ESRP1: variants seen among roughly 807,000 people sequenced by gnomAD.
The protein encoded by ESRP1 is RNA-binding motif protein 35A.
Under a neutral mutation model 81.7 loss-of-function variants are expected in ESRP1, and 33 were observed. That is an observed-to-expected ratio of 0.40 (90% CI 0.31 to 0.54). The LOEUF (loss-of-function observed/expected upper bound fraction) is 0.54, where lower values mean the gene tolerates loss of function less well. ESRP1 is among the 20% of genes least tolerant of loss of function. The pLI, the probability that ESRP1 is intolerant of heterozygous loss-of-function variation, is 0.41. For missense variants in ESRP1, 672 were observed against 833.1 expected (o/e 0.81, Z 2.38); for synonymous variants, 320 against 303.3 (o/e 1.06, Z -0.57).
chr8:94,653,735 C>T (rs1818266367), intron 4 of ESRP1, among the ~76,000 whole-genome samples: 1 of 152,118 alleles, frequency 6.6e-6, no homozygotes, highest in South Asian at 2.1e-4. Flanking sequence ...TACAAACCTT[C>T]CCTGCCCTGC....
Position 94,689,811 on chromosome 8 carries a change from CTTTTTTTTTTTT to C in ESRP1, c.1821-2852_1821-2841del, listed in dbSNP as rs58359551. ...CACAGGCATGTGCTATGATGCCTGG[CTTTTTTTTTTTT>C]TTTTTTTTTTTTTGATGGAGTCTTG... On this transcript the variant is annotated intron_variant, in intron 13 of 15. Coordinates refer to ENST00000433389, the MANE Select transcript of ESRP1 (RefSeq NM_017697.4). Among the ~76,000 whole-genome samples the C allele has an allele frequency of 4.9e-4, 32 of 64,672 alleles. 1 individual carries two copies. The highest frequency in any genetic ancestry group is 2.2e-3 in the Admixed American group (12 of 5,528). The allele number at this position is 64,672 out of a possible 152,430, so 42.4% of individuals were successfully genotyped here.
At chr8:94,641,866 G>A (rs1004058203) in intron 1 of ESRP1, 90 bp from the exon 2 acceptor site, 31 of 1,550,318 alleles carry the variant, frequency 2.0e-5, no homozygotes, top group Admixed American at 3.7e-5. Flanking sequence ...AGAGAGGCGC[G>A]GGCCGCCCCA....
At position 94,655,727 on chromosome 8, in the gene ESRP1, CA is replaced by C. The variant is rs531229211; in HGVS notation, c.491-6539del. 8.3e-3 allele frequency among the ~76,000 whole-genome samples: 1,269 copies of C among 151,996 alleles called. 25 individuals are homozygous for C. The highest frequency in any genetic ancestry group is 0.03 in the African/African-American group (1,228 of 41,472). ...ACCATCTGGTGAAACCCTGTCTCTA[CA>C]AAAAATACAAAAATTAGCCAGGCAT... On this transcript the variant is annotated intron_variant, in intron 4 of 15. Coordinates refer to ENST00000433389, the MANE Select transcript of ESRP1 (RefSeq NM_017697.4).
chr8:94,673,327 T>G (rs1819425841), intron 11 of ESRP1, among the ~76,000 whole-genome samples: 1 of 152,208 alleles, frequency 6.6e-6, no homozygotes, highest in African/African-American at 2.4e-5. Flanking sequence ...GTGATTACAC[T>G]TGGGAAAAGG....
In ESRP1 at chr8:94,641,936, G is replaced by A. The variant is rs1320571363; in HGVS notation, c.133-20G>A. ...CTCCGAAATTGGGGGAAACTGACCC[G>A]TGCTTCTCTACCTTCGGAGGTGGGA... On this transcript the variant is annotated intron_variant, in intron 1 of 15. Transcript: ENST00000433389. The A allele has an allele frequency of 6.2e-7, 1 of 1,613,068 alleles. No homozygotes were observed. The highest frequency in any genetic ancestry group is 2.2e-5 in the East Asian group (1 of 44,854).
chr8:94,666,830 C>T (rs970754601), intron 9 of ESRP1, among the ~76,000 whole-genome samples: 2 of 152,192 alleles, frequency 1.3e-5, no homozygotes, highest in Admixed American at 1.3e-4. Context: ...ATGATAGATG[C>T]ATTGCAACTT....
At chr8:94,662,896 C>T (rs1028423937) in intron 6 of ESRP1, among the ~76,000 whole-genome samples, 3 of 152,142 alleles carry the variant, frequency 2.0e-5, no homozygotes, top group African/African-American at 7.2e-5. Context: ...CGTGAGCCAC[C>T]TCGCCCGGCC....
rs575912535 is a variant in ESRP1, at chr8:94,662,096, A to T, written c.491-176A>T. ...GATTGATTTGCCTCTTTTACCCAAA[A>T]GGGCAGTTGGAGCCTAAGTTGAATG... On this transcript the variant is annotated intron_variant, in intron 4 of 15. Coordinates refer to ENST00000433389, the MANE Select transcript of ESRP1 (RefSeq NM_017697.4). Among the ~76,000 whole-genome samples, 10 of 152,328 alleles carry T rather than the reference A, an allele frequency of 6.6e-5. No homozygotes were observed. In the South Asian group the frequency reaches 2.1e-3, roughly 32 times the overall value.
At chr8:94,684,325 A>T (rs907947643) in intron 13 of ESRP1, among the ~76,000 whole-genome samples, 1 of 152,334 alleles carries the variant, frequency 6.6e-6, no homozygotes, top group East Asian at 1.9e-4. Flanking sequence ...AGAAGCCTGT[A>T]TGGACTTTTA....
At chr8:94,661,707 G>A (rs1375660054) in intron 4 of ESRP1, among the ~76,000 whole-genome samples, 1 of 152,190 alleles carries the variant, frequency 6.6e-6, no homozygotes, top group Non-Finnish European at 1.5e-5. Context: ...AAAATTTGCT[G>A]TCTAGAACTA....
chr8:94,703,292 C>A (rs1809922689), intron 15 of ESRP1, among the ~76,000 whole-genome samples: 1 of 151,854 alleles, frequency 6.6e-6, no homozygotes, highest in Non-Finnish European at 1.5e-5. Flanking sequence ...GTAGCTGGGA[C>A]TACAAGCACA....
intron 13 of ESRP1, among the ~76,000 whole-genome samples, chr8:94,685,001 G>C (rs1809080137): frequency 6.8e-6 from 1 of 147,880 alleles, no homozygotes; most frequent in Non-Finnish European, 1.5e-5. Flanking sequence ...TGTGGTGTGG[G>C]AGACAGCACA....
In ESRP1 at chr8:94,707,235, T is replaced by G. The variant is rs1810098878; in HGVS notation, c.*1346T>G. ...GCAAACATTTCCTTCTTCAGCTGAC[T>G]GGCAATGGCCCTTTAACTGCAATAG... On this transcript the variant is annotated 3_prime_UTR_variant, in exon 16 of 16. Coordinates refer to ENST00000433389, the MANE Select transcript of ESRP1 (RefSeq NM_017697.4). 1 of 152,042 alleles carries G rather than the reference T, an allele frequency of 6.6e-6. No homozygotes were observed. The highest frequency in any genetic ancestry group is 2.4e-5 in the African/African-American group (1 of 41,392). 9.4% of individuals were successfully genotyped at this position (152,042 alleles called of 1,614,324 possible).
chr8:94,700,289 A>C (rs1434454403), intron 15 of ESRP1, among the ~76,000 whole-genome samples: 1 of 152,172 alleles, frequency 6.6e-6, no homozygotes, highest in African/African-American at 2.4e-5. Context: ...GGTTCTTGAG[A>C]GGAAAATAGA....
At chr8:94,685,014 C>A (rs1024693468) in intron 13 of ESRP1, among the ~76,000 whole-genome samples, 10 of 128,058 alleles carry the variant, frequency 7.8e-5, no homozygotes, top group African/African-American at 3.0e-4. Context: ...ACAGCACAAG[C>A]CTGTCTTTAA....
rs550607016 is a variant in ESRP1, at chr8:94,642,670, G to T, written c.261+586G>T. ...CCGAACGTGCAAGGCTGCCCGTTGTGTCACTGCGGAACTGATGGAATCCCC... is the reference window on the plus strand; with the variant it reads ...CCGAACGTGCAAGGCTGCCCGTTGTTTCACTGCGGAACTGATGGAATCCCC... On this transcript the variant is annotated intron_variant, in intron 2 of 15. Coordinates refer to ENST00000433389, the MANE Select transcript of ESRP1 (RefSeq NM_017697.4). Among the ~76,000 whole-genome samples, 366 of 152,328 alleles carry T rather than the reference G, an allele frequency of 2.4e-3. 3 individuals carry two copies. In the East Asian group the frequency reaches 0.034, roughly 14 times the overall value.
chr8:94,662,670 C>T (rs533250878), intron 6 of ESRP1, 115 bp downstream of exon 6: 78 of 822,456 alleles, frequency 9.5e-5, no homozygotes, highest in South Asian at 8.9e-4. Flanking sequence ...TGCAGTGGCA[C>T]GATCTCAGCT....
intron 4 of ESRP1, 75 bp downstream of exon 4, chr8:94,646,357 C>A: frequency 2.9e-6 from 3 of 1,043,758 alleles, no homozygotes; most frequent in Non-Finnish European, 4.1e-6. Flanking sequence ...AACTTTCAAA[C>A]ATTTTAAATT....
intron 12 of ESRP1, among the ~76,000 whole-genome samples, chr8:94,677,918 A>G (rs528876928): frequency 1.2e-3 from 189 of 152,274 alleles, no homozygotes; most frequent in African/African-American, 4.4e-3. Flanking sequence ...AACATGAGGG[A>G]AAAAAATTAC....
Sources: gnomAD v4.1 joint callset for allele counts (sites outside exome capture counted in the v4.1 genomes callset) on GRCh38, gnomAD v4.1.1 for gene constraint, MANE v1.5 for transcripts, NCBI Gene and HGNC (gene_info 2026-07-23, HGNC 2026-07-21) for gene names.